Variants in FLNB observed in about 807,000 individuals in gnomAD.
The protein encoded by FLNB is filamin-B.
A neutral mutation model predicts 250.6 loss-of-function variants in FLNB; 111 were observed. That is an observed-to-expected ratio of 0.44 (90% CI 0.38 to 0.52). FLNB has a LOEUF of 0.52. Among genes scored for constraint, FLNB ranks in the 20% least tolerant of loss-of-function variants. FLNB has a pLI of 0.00. For synonymous variants in FLNB, 1,302 were observed against 1,372.1 expected, an observed-to-expected ratio of 0.95 and a Z score of 1.13; for missense variants, 2,869 against 3,447.8, an observed-to-expected ratio of 0.83 and a Z score of 4.20.
At chr3:58,124,584 C>A (rs2097294491) in intron 22 of FLNB, 79 bp downstream of exon 22, 3 of 1,477,918 alleles carry the variant, frequency 2.0e-6, no homozygotes, top group Non-Finnish European at 2.8e-6. Flanking sequence ...GGTACTGATG[C>A]CTGCCCCATG....
intron 1 of FLNB, among the ~76,000 whole-genome samples, chr3:58,043,147 T>TA (rs1559653559): frequency 6.8e-6 from 1 of 146,186 alleles, no homozygotes; most frequent in East Asian, 2.0e-4. Context: ...ATTCCTTTTT[T>TA]TTTTTTTTTT....
intron 1 of FLNB, among the ~76,000 whole-genome samples, chr3:58,043,044 C>G (rs1394318397): frequency 6.6e-6 from 1 of 151,860 alleles, no homozygotes; most frequent in African/African-American, 2.4e-5. Context: ...TGGGAAATTT[C>G]CTAGAGTTTT....
intron 24 of FLNB, among the ~76,000 whole-genome samples, chr3:58,130,368 G>C (rs77155557): frequency 0.055 from 8,425 of 152,186 alleles, 324 homozygotes; most frequent in Non-Finnish European, 0.083. Context: ...GATGTTACTG[G>C]AAAGCTTTCT....
At chr3:58,064,669 G>T (rs2097183015) in intron 1 of FLNB, among the ~76,000 whole-genome samples, 1 of 151,886 alleles carries the variant, frequency 6.6e-6, no homozygotes, top group African/African-American at 2.4e-5. Flanking sequence ...CAAGCAGTGC[G>T]GCATGCATAG....
rs764794341 is a variant in FLNB, at chr3:58,123,539, G to A, written c.3573G>A (p.Ala1191=). Residue 1191 remains alanine (A), a synonymous_variant, in exon 21 of 46, where the codon GCG becomes GCA. Transcript: ENST00000295956. Reference sequence around the variant, plus strand: ...AGAACAACAAAGATGGCACCTACGCGGTGACCTACGTGCCCCTGACGGCCG... The same window carrying A: ...AGAACAACAAAGATGGCACCTACGCAGTGACCTACGTGCCCCTGACGGCCG... ...SIQNNKDGTY[A]VTYVPLTAGM... is the part of the protein sequence containing the mutation. 7.8e-5 allele frequency: 125 copies of A among 1,607,280 alleles called. 1 individual carries two copies. The highest frequency in any genetic ancestry group is 9.9e-5 in the Non-Finnish European group (116 of 1,176,866).
intron 8 of FLNB, among the ~76,000 whole-genome samples, chr3:58,100,442 G>A (rs1383394648): frequency 6.9e-6 from 1 of 144,704 alleles, no homozygotes. Flanking sequence ...GGGCTGGAGT[G>A]CAGTGGTACC....
At chr3:58,067,826 C>T (rs993063971) in intron 1 of FLNB, among the ~76,000 whole-genome samples, 1 of 152,294 alleles carries the variant, frequency 6.6e-6, no homozygotes, top group Admixed American at 6.5e-5. Flanking sequence ...CCGCCCACCT[C>T]CGCCTCCCAA....
rs760914568 is a variant in FLNB at position 58,112,167 on chromosome 3, C to T, written c.2594C>T (p.Pro865Leu). 39 of 1,613,994 alleles carry T rather than the reference C, an allele frequency of 2.4e-5. No individual in the cohort carries two copies. Among genetic ancestry groups the T allele is most frequent in the Middle Eastern group, 3.3e-4 (2 of 6,074 alleles). ...TTTCCAGGTGTGGAAAATGGGAAAC[C>T]GACCCACTTCACTGTCTACACCAAG... Reference protein sequence around the residue: ...LSKAGVENGKPTHFTVYTKGA... With the variant: ...LSKAGVENGKLTHFTVYTKGA... Residue 865 changes from proline (P) to leucine (L), a missense_variant, in exon 18 of 46, where the codon CCG becomes CTG. Transcript: ENST00000295956.
At chr3:58,094,634 T>C (rs2097234782) in intron 4 of FLNB, among the ~76,000 whole-genome samples, 2 of 152,238 alleles carry the variant, frequency 1.3e-5, no homozygotes, top group Admixed American at 1.3e-4. Context: ...ATATCAAAAT[T>C]GGATATTACT....
rs78776762 is a variant in FLNB at position 58,129,487 on chromosome 3, A to G, written c.4223-1254A>G. 6.6e-3 allele frequency among the ~76,000 whole-genome samples: 1,011 copies of G among 152,172 alleles called. 8 individuals carry two copies. The highest frequency in any genetic ancestry group is 0.023 in the African/African-American group (963 of 41,498). ...CTTGCCATCAGCTGTTGACATTGAAATCCTCAACTGTCACTCTCTAAAGTA... is the reference window on the plus strand; with the variant it reads ...CTTGCCATCAGCTGTTGACATTGAAGTCCTCAACTGTCACTCTCTAAAGTA... On this transcript the variant is annotated intron_variant, in intron 24 of 45. Transcript: ENST00000295956.
intron 1 of FLNB, among the ~76,000 whole-genome samples, chr3:58,049,169 C>T (rs776640343): frequency 6.6e-6 from 1 of 152,152 alleles, no homozygotes; most frequent in Non-Finnish European, 1.5e-5. Context: ...CTATGCTAAA[C>T]GATTTGATGT....
At chr3:58,072,504 G>C (rs545159119) in intron 1 of FLNB, among the ~76,000 whole-genome samples, 4 of 152,186 alleles carry the variant, frequency 2.6e-5, no homozygotes, top group Admixed American at 6.5e-5. Flanking sequence ...CTACGTGATG[G>C]TCAGACGTTG....
At chr3:58,146,564 T>C in intron 33 of FLNB, 1 of 501,194 alleles carries the variant, frequency 2.0e-6, no homozygotes, top group South Asian at 2.1e-5. Flanking sequence ...TCTCATCCCA[T>C]GCATCCTGAG....
intron 32 of FLNB, 21 bp downstream of exon 32, chr3:58,143,634 C>T (rs2097330903): frequency 1.9e-6 from 3 of 1,613,230 alleles, no homozygotes; most frequent in Non-Finnish European, 2.5e-6. Context: ...TCAGCAGGCC[C>T]AGCAGGGCTC....
At chr3:58,067,241 C>T (rs1485797942) in intron 1 of FLNB, among the ~76,000 whole-genome samples, 2 of 150,772 alleles carry the variant, frequency 1.3e-5, no homozygotes, top group African/African-American at 5.0e-5. Flanking sequence ...CTTCTCAACA[C>T]AGTGTACTAG....
intron 1 of FLNB, among the ~76,000 whole-genome samples, chr3:58,053,237 G>C (rs1327207056): frequency 1.3e-5 from 2 of 152,138 alleles, no homozygotes; most frequent in Admixed American, 6.6e-5. Flanking sequence ...ATTTCAGAAA[G>C]ACATTATTAT....
intron 16 of FLNB, among the ~76,000 whole-genome samples, chr3:58,111,322 T>A (rs1170119678): frequency 1.3e-5 from 2 of 152,218 alleles, no homozygotes; most frequent in Non-Finnish European, 2.9e-5. Flanking sequence ...GGTCTTGACA[T>A]CCATTTAACC....
At chr3:58,031,085 T>A (rs1379573913) in intron 1 of FLNB, among the ~76,000 whole-genome samples, 1 of 152,170 alleles carries the variant, frequency 6.6e-6, no homozygotes, top group African/African-American at 2.4e-5. Flanking sequence ...TAACGGTTTC[T>A]GGGGATGGGC....
intron 38 of FLNB, chr3:58,152,604 G>T: frequency 2.7e-6 from 1 of 363,974 alleles, no homozygotes; most frequent in Non-Finnish European, 4.9e-6. Context: ...CCATCACATT[G>T]TTGGGGGTAG....
Sources: gnomAD v4.1 joint callset for allele counts (sites outside exome capture counted in the v4.1 genomes callset) on GRCh38, gnomAD v4.1.1 for gene constraint, MANE v1.5 for transcripts, NCBI Gene and HGNC (gene_info 2026-07-23, HGNC 2026-07-21) for gene names.